Variants in TPRG1 observed in about 807,000 individuals in gnomAD.
TPRG1 encodes the protein tumor protein p63 regulated 1.
Under a neutral mutation model 29.3 loss-of-function variants are expected in TPRG1, and 29 were observed. That is an observed-to-expected ratio of 0.99 (90% confidence interval 0.74 to 1.35). The LOEUF (loss-of-function observed/expected upper bound fraction) is 1.35, where lower values mean the gene tolerates loss of function less well. Among genes scored for constraint, TPRG1 ranks in the 40% most tolerant of loss-of-function variants. The probability of loss-of-function intolerance (pLI) is 0.00; values close to 1 mark genes in which losing one functional copy is unlikely to be tolerated. For synonymous variants in TPRG1, 130 were observed against 116.8 expected (o/e 1.11, Z -0.73); for missense variants, 327 against 335.0 (o/e 0.98, Z 0.19).
chr3:189,013,431 A>G (rs2152123139), intron 3 of TPRG1, among the ~76,000 whole-genome samples: 1 of 152,178 alleles, frequency 6.6e-6, no homozygotes. Flanking sequence ...GGAGTGTTTC[A>G]CTTTCAATTA....
intron 5 of TPRG1, chr3:189,151,099 G>C (rs1219480232): frequency 6.6e-6 from 1 of 152,210 alleles, no homozygotes; most frequent in Non-Finnish European, 1.5e-5. Flanking sequence ...AAACTGCTGA[G>C]TAATTTTCAA....
chr3:189,164,629 CT>C (rs11293749), intron 5 of TPRG1, among the ~76,000 whole-genome samples: 80,789 of 150,654 alleles, frequency 0.54, 24,228 homozygotes, highest in African/African-American at 0.82. Flanking sequence ...AAAAGCTTCC[CT>C]TTTTTTTAAA....
At chr3:189,113,950 A>G (rs1167138297) in intron 1 of TPRG1, among the ~76,000 whole-genome samples, 1 of 145,606 alleles carries the variant, frequency 6.9e-6, no homozygotes, top group Non-Finnish European at 1.5e-5. Flanking sequence ...AAAATAAAAT[A>G]AAGTGTTCCC....
At chr3:189,170,396 A>G (rs1035984063), upstream of TPRG1, among the ~76,000 whole-genome samples, 2 of 152,110 alleles carry the variant, frequency 1.3e-5, no homozygotes, top group Admixed American at 1.3e-4. Flanking sequence ...CAACTCTACC[A>G]TCTGTGCTTG....
chr3:189,044,372 T>C (rs1714826892), intron 4 of TPRG1, among the ~76,000 whole-genome samples: 1 of 152,090 alleles, frequency 6.6e-6, no homozygotes, highest in South Asian at 2.1e-4. Flanking sequence ...CTGGCCAACA[T>C]GGCAAAACGC....
intron 4 of TPRG1, among the ~76,000 whole-genome samples, chr3:189,241,134 A>G (rs1187567239): frequency 6.6e-6 from 1 of 152,212 alleles, no homozygotes; most frequent in Admixed American, 6.5e-5. Flanking sequence ...TGGAATTTTT[A>G]GGTCAAAGTC....
At chr3:189,279,495 C>A (rs1233309881) in intron 4 of TPRG1, among the ~76,000 whole-genome samples, 1 of 152,160 alleles carries the variant, frequency 6.6e-6, no homozygotes, top group Non-Finnish European at 1.5e-5. Context: ...CTATAATTAT[C>A]TATTTGGAGA....
intron 4 of TPRG1, among the ~76,000 whole-genome samples, chr3:189,042,277 A>G (rs1355746558): frequency 6.6e-6 from 1 of 152,080 alleles, no homozygotes; most frequent in East Asian, 1.9e-4. Context: ...TTCTTTTCCA[A>G]TTTCAGCTTT....
chr3:189,021,597 A>G (rs1027353923), intron 3 of TPRG1, among the ~76,000 whole-genome samples: 1 of 152,162 alleles, frequency 6.6e-6, no homozygotes, highest in Admixed American at 6.5e-5. Flanking sequence ...CTGCCGAGAG[A>G]TCTGCTGTTA....
intron 4 of TPRG1, among the ~76,000 whole-genome samples, chr3:189,288,195 TC>T (rs1718395541): frequency 6.6e-6 from 1 of 151,992 alleles, no homozygotes; most frequent in African/African-American, 2.4e-5. Flanking sequence ...TAGATTCAGA[TC>T]AATAATGTAG....
intron 1 of TPRG1, among the ~76,000 whole-genome samples, chr3:188,998,707 G>A (rs1186530032): frequency 6.6e-6 from 1 of 152,168 alleles, no homozygotes; most frequent in East Asian, 1.9e-4. Flanking sequence ...TTTGTTAAGT[G>A]ATAAGCCAGG....
chr3:189,224,278 C>T (rs190070883), intron 3 of TPRG1, among the ~76,000 whole-genome samples: 2 of 152,168 alleles, frequency 1.3e-5, no homozygotes, highest in South Asian at 2.1e-4. Context: ...GTCAAGAGAT[C>T]GAGACCATCC....
At chr3:189,029,892 T>C (rs1713846926) in intron 4 of TPRG1, among the ~76,000 whole-genome samples, 1 of 152,138 alleles carries the variant, frequency 6.6e-6, no homozygotes, top group Non-Finnish European at 1.5e-5. Context: ...CCTTCCGCTA[T>C]GATTGGAAGC....
intron 3 of TPRG1, among the ~76,000 whole-genome samples, chr3:189,007,373 C>T (rs1289338688): frequency 6.6e-6 from 1 of 152,056 alleles, no homozygotes; most frequent in South Asian, 2.1e-4. Flanking sequence ...GTTAGAGTGG[C>T]AATCATTAAA....
chr3:189,305,112 G>A (rs891876232), intron 4 of TPRG1, among the ~76,000 whole-genome samples: 1 of 152,172 alleles, frequency 6.6e-6, no homozygotes, highest in African/African-American at 2.4e-5. Flanking sequence ...GGAGCTAGGT[G>A]TCCTCATTCA....
chr3:189,264,338 G>A (rs1713666747), intron 4 of TPRG1, among the ~76,000 whole-genome samples: 1 of 152,166 alleles, frequency 6.6e-6, no homozygotes, highest in South Asian at 2.1e-4. Flanking sequence ...CTTTGGGAAA[G>A]TTTACTATTT....
At chr3:189,077,347 A>G (rs1717246287) in intron 4 of TPRG1, among the ~76,000 whole-genome samples, 1 of 152,150 alleles carries the variant, frequency 6.6e-6, no homozygotes, top group South Asian at 2.1e-4. Flanking sequence ...GCCAGATTCA[A>G]CAAAAATACA....
At position 189,198,715 on chromosome 3, in the gene TPRG1, C is replaced by T. The variant is rs192352045; in HGVS notation, c.-9-8661C>T. Among the ~76,000 whole-genome samples, 337 of 152,304 alleles carry T rather than the reference C, an allele frequency of 2.2e-3. 4 individuals carry two copies. The highest frequency in any genetic ancestry group is 3.2e-3 in the Non-Finnish European group (221 of 68,038). ...CTATGAAGATTAGTGCAGCACAGTTCCTGCTCTGGAATTGCTCATGGCCCA... is the reference window on the plus strand; with the variant it reads ...CTATGAAGATTAGTGCAGCACAGTTTCTGCTCTGGAATTGCTCATGGCCCA... On this transcript the variant is annotated intron_variant, in intron 1 of 5. Transcript: ENST00000345063.
chr3:189,044,149 GAA>G (rs1714809312), intron 4 of TPRG1, among the ~76,000 whole-genome samples: 1 of 152,030 alleles, frequency 6.6e-6, no homozygotes, highest in Non-Finnish European at 1.5e-5. Flanking sequence ...GAGAGAGAGA[GAA>G]AAGACCTGCA....
Sources: allele counts gnomAD v4.1 joint callset (sites outside exome capture counted in the v4.1 genomes callset), GRCh38; gene constraint gnomAD v4.1.1; transcripts MANE v1.5; gene names NCBI Gene and HGNC (gene_info 2026-07-23, HGNC 2026-07-21).